Variants in GRIP1 observed in about 807,000 individuals in gnomAD.
GRIP1 encodes the protein glutamate receptor-interacting protein 1.
A neutral mutation model predicts 129.9 loss-of-function variants in GRIP1; 45 were observed. The ratio of observed to expected loss-of-function variants is 0.35; its 90% confidence interval spans 0.27 to 0.44. GRIP1 has a LOEUF of 0.44. GRIP1 is among the 20% of genes least tolerant of loss of function. The probability of loss-of-function intolerance (pLI) is 1.00; values close to 1 mark genes in which losing one functional copy is unlikely to be tolerated. For synonymous variants in GRIP1, 530 were observed against 520.8 expected, an observed-to-expected ratio of 1.02 and a Z score of -0.24; for missense variants, 1,196 against 1,396.8, an observed-to-expected ratio of 0.86 and a Z score of 2.29.
chr12:66,676,665 T>G (rs944382497), intron 1 of GRIP1, among the ~76,000 whole-genome samples: 3 of 152,110 alleles, frequency 2.0e-5, no homozygotes, highest in Admixed American at 2.0e-4. Flanking sequence ...GAAATATGTA[T>G]GTTTGGGAGT....
chr12:66,491,667 G>A (rs2060107433), intron 7 of GRIP1, among the ~76,000 whole-genome samples: 1 of 152,048 alleles, frequency 6.6e-6, no homozygotes, highest in Non-Finnish European at 1.5e-5. Flanking sequence ...AAAAAAGGGG[G>A]CATAATTCTT....
intron 1 of GRIP1, among the ~76,000 whole-genome samples, chr12:66,810,391 C>T (rs2039080256): frequency 6.6e-6 from 1 of 152,062 alleles, no homozygotes. Context: ...AACCCCGTCT[C>T]TACTAAAAAT....
intron 7 of GRIP1, among the ~76,000 whole-genome samples, chr12:66,480,908 A>G (rs2059784092): frequency 6.6e-6 from 1 of 152,276 alleles, no homozygotes; most frequent in East Asian, 1.9e-4. Context: ...ACAAAAATTA[A>G]CTCAAGATGG....
chr12:66,645,639 T>C (rs981145584), intron 1 of GRIP1, among the ~76,000 whole-genome samples: 1 of 152,194 alleles, frequency 6.6e-6, no homozygotes, highest in African/African-American at 2.4e-5. Context: ...GGAAAAGTTT[T>C]GGAAGTATAA....
chr12:66,717,669 T>C (rs544758105), intron 1 of GRIP1, among the ~76,000 whole-genome samples: 42 of 152,274 alleles, frequency 2.8e-4, no homozygotes, highest in African/African-American at 9.1e-4. Context: ...ACTCTCTCTG[T>C]CTGCTTAGGC....
chr12:66,446,995 T>A (rs1364144837), intron 11 of GRIP1, among the ~76,000 whole-genome samples: 2 of 152,226 alleles, frequency 1.3e-5, no homozygotes, highest in Non-Finnish European at 2.9e-5. Flanking sequence ...AGTCTATTGA[T>A]TTTAGCAACA....
At position 67,008,080 on chromosome 12, in the gene GRIP1, T is replaced by C. The variant is rs919091177; in HGVS notation, c.58+60970A>G. 3.9e-5 allele frequency among the ~76,000 whole-genome samples: 6 copies of C among 152,158 alleles called. No homozygotes were observed. The South Asian group carries it at 6.2e-4, about 16-fold the overall frequency. The stretch of plus-strand genomic sequence containing the variant: ...AATCATAATAAAAGCTTCTATGACA[T>C]AGGATAATATACATGTATTTAAACT... On this transcript the variant is annotated intron_variant, in intron 1 of 1. Coordinates refer to the GRIP1 transcript ENST00000643019.
chr12:66,921,347 A>C (rs2041209650), intron 1 of GRIP1, among the ~76,000 whole-genome samples: 2 of 152,364 alleles, frequency 1.3e-5, no homozygotes, highest in South Asian at 4.1e-4. Flanking sequence ...CTGGCTCCTG[A>C]CATGTCAATA....
At chr12:66,952,826 G>T (rs2041779280) in intron 1 of GRIP1, among the ~76,000 whole-genome samples, 1 of 152,132 alleles carries the variant, frequency 6.6e-6, no homozygotes, top group Non-Finnish European at 1.5e-5. Context: ...CATGATCCAG[G>T]CCTAGAATAC....
rs771410913 is a variant in GRIP1, at chr12:66,517,952, T to G, written c.527A>C (p.Lys176Thr). ...ACATGTTATCACAACTGGACGAGAT[T>G]TATTTCTATCATCATGTGCTCCCCC... The part of the protein sequence containing the change: ...IRGGAHDDRN[K>T]SRPVVITCVR... Residue 176 changes from lysine (K) to threonine (T), a missense_variant, in exon 6 of 25, where the codon AAA becomes ACA. Physicochemically the swap from Lys to Thr is moderately conservative, Grantham distance 78. This residue lies in a region of GRIP1 where 217 missense variants were observed against 224.8 expected (regional missense o/e 0.97). Coordinates refer to ENST00000359742, the MANE Select transcript of GRIP1 (RefSeq NM_001366722.1). 3 of 1,596,384 alleles carry G rather than the reference T, an allele frequency of 1.9e-6. No homozygotes were observed. In the Admixed American group the frequency reaches 5.0e-5, roughly 27 times the overall value.
intron 1 of GRIP1, among the ~76,000 whole-genome samples, chr12:66,768,055 A>G (rs1007667519): frequency 6.6e-6 from 1 of 152,198 alleles, no homozygotes; most frequent in African/African-American, 2.4e-5. Context: ...TCCTTGAAGA[A>G]GCACTTTGAG....
chr12:66,601,959 A>C (rs2064295785), intron 1 of GRIP1, among the ~76,000 whole-genome samples: 1 of 152,182 alleles, frequency 6.6e-6, no homozygotes, highest in Non-Finnish European at 1.5e-5. Flanking sequence ...TACATTTGAG[A>C]CTAGAACATG....
At chr12:66,531,253 ATATATATATATATATATATATATAT>A (rs1168284387) in intron 4 of GRIP1, among the ~76,000 whole-genome samples, 5 of 17,386 alleles carry the variant, frequency 2.9e-4, no homozygotes, top group East Asian at 1.1e-3. Flanking sequence ...AAAAAAAAAA[ATATATATATATATATATATATATAT>A]ATATATATAT....
chr12:66,497,482 T>A (rs370988459), intron 7 of GRIP1, among the ~76,000 whole-genome samples: 1 of 152,098 alleles, frequency 6.6e-6, no homozygotes, highest in East Asian at 1.9e-4. Context: ...GGGAGGAGCT[T>A]AAAACAAGAG....
intron 1 of GRIP1, among the ~76,000 whole-genome samples, chr12:66,963,144 C>CACAA (rs1170509359): frequency 6.6e-6 from 1 of 151,696 alleles, no homozygotes; most frequent in Non-Finnish European, 1.5e-5. Flanking sequence ...ACCCCACCTC[C>CACAA]ACAAACAAAC....
chr12:66,486,600 C>T (rs1164693601), intron 7 of GRIP1, among the ~76,000 whole-genome samples: 1 of 152,072 alleles, frequency 6.6e-6, no homozygotes, highest in Non-Finnish European at 1.5e-5. Context: ...CTCTCTTTGC[C>T]TGTTGCCATC....
chr12:67,064,583 T>C (rs540461300), intron 1 of GRIP1, among the ~76,000 whole-genome samples: 3 of 152,298 alleles, frequency 2.0e-5, no homozygotes, highest in South Asian at 2.1e-4. Context: ...TCTTCTCTTT[T>C]ACCTACTTTG....
intron 1 of GRIP1, among the ~76,000 whole-genome samples, chr12:66,810,579 C>T (rs1247843007): frequency 8.4e-6 from 1 of 118,758 alleles, no homozygotes; most frequent in Admixed American, 8.4e-5. Context: ...AGAGTTTTTA[C>T]TGATAATAGT....
chr12:66,794,810 G>A (rs2136879212), intron 1 of GRIP1, among the ~76,000 whole-genome samples: 1 of 152,148 alleles, frequency 6.6e-6, no homozygotes, highest in East Asian at 1.9e-4. Context: ...CAGAAGATTT[G>A]GAATTTTTAA....
Sources: gnomAD v4.1 joint callset for allele counts (sites outside exome capture counted in the v4.1 genomes callset) on GRCh38, gnomAD v4.1.1 for gene constraint, gnomAD v4.1.1 regional missense constraint, MANE v1.5 for transcripts, NCBI Gene and HGNC (gene_info 2026-07-23, HGNC 2026-07-21) for gene names.